The following PSMD1 variants were observed in gnomAD, a reference collection of about 807,000 sequenced individuals.
PSMD1 encodes the protein proteasome 26S subunit, non-ATPase 1, also known as 26S proteasome non-ATPase regulatory subunit 1.
Under a neutral mutation model 119.0 loss-of-function variants are expected in PSMD1, and 18 were observed. The ratio of observed to expected loss-of-function variants is 0.15; its 90% CI spans 0.10 to 0.22. PSMD1 has a LOEUF of 0.22. Among genes scored for constraint, PSMD1 ranks in the 10% least tolerant of loss-of-function variants. The pLI, the probability that PSMD1 is intolerant of heterozygous loss-of-function variation, is 1.00. For missense variants in PSMD1, 702 were observed against 1,158.5 expected (o/e 0.61, Z 5.72); for synonymous variants, 374 against 396.6 (o/e 0.94, Z 0.68).
At chr2:231,137,580 A>C (rs1471919956) in intron 16 of PSMD1, among the ~76,000 whole-genome samples, 1 of 151,942 alleles carries the variant, frequency 6.6e-6, no homozygotes, top group Non-Finnish European at 1.5e-5. Flanking sequence ...CTGGGGGTAC[A>C]TGTGCAGGTT....
chr2:231,126,160 T>C (rs1409873561), intron 16 of PSMD1, among the ~76,000 whole-genome samples: 1 of 152,196 alleles, frequency 6.6e-6, no homozygotes, highest in Non-Finnish European at 1.5e-5. Context: ...TCCAGCACTT[T>C]GGTAGACCAA....
intron 16 of PSMD1, chr2:231,108,635 T>C: frequency 6.2e-7 from 1 of 1,614,114 alleles, no homozygotes; most frequent in Non-Finnish European, 8.5e-7. Flanking sequence ...CATTGGACTC[T>C]GGTACATGGC....
At position 231,111,139 on chromosome 2, in the gene PSMD1, A is replaced by G. The variant is rs138192679; in HGVS notation, c.1883+23958A>G. ...TTCCAGTGCCAGCATTTTCTACTTC[A>G]TCCCATTCGTGACCCTTCTAAGACC... On this transcript the variant is annotated intron_variant, in intron 16 of 24. Coordinates refer to ENST00000308696, the MANE Select transcript of PSMD1 (RefSeq NM_002807.4). Among the ~76,000 whole-genome samples, 146 of 152,220 alleles carry G rather than the reference A, an allele frequency of 9.6e-4. 1 individual carries two copies. In the Middle Eastern group the frequency reaches 0.051, roughly 53 times the overall value.
chr2:231,123,396 C>A (rs755929910), intron 16 of PSMD1: 12 of 1,579,928 alleles, frequency 7.6e-6, no homozygotes, highest in Non-Finnish European at 1.0e-5. Context: ...ATGGCACAAA[C>A]AAAGTGAAAT....
chr2:231,139,165 T>C, intron 17 of PSMD1: 1 of 373,306 alleles, frequency 2.7e-6, no homozygotes, highest in Non-Finnish European at 5.2e-6. Flanking sequence ...GGAATTTCAC[T>C]CTTTCATCCA....
At chr2:231,142,208 C>T (rs7585887) in intron 17 of PSMD1, among the ~76,000 whole-genome samples, 74,436 of 151,980 alleles carry the variant, frequency 0.49, 21,708 homozygotes, top group African/African-American at 0.81. Context: ...AATTAATTTA[C>T]TTATGTTTTA....
intron 16 of PSMD1, among the ~76,000 whole-genome samples, chr2:231,122,805 G>A (rs1213315901): frequency 6.6e-6 from 1 of 151,970 alleles, no homozygotes; most frequent in South Asian, 2.1e-4. Flanking sequence ...AAATTGAATC[G>A]ATAGATCATC....
chr2:231,130,897 C>T (rs1299557453), intron 16 of PSMD1, among the ~76,000 whole-genome samples: 1 of 152,078 alleles, frequency 6.6e-6, no homozygotes, highest in Non-Finnish European at 1.5e-5. Flanking sequence ...GTGATGTTAT[C>T]TAGAAGGCAA....
rs142056982 is a variant in PSMD1, at chr2:231,155,741, G to A, written c.2218+2075G>A. ...GGAGTTTTTTGTTTGGTTGGTTTTT[G>A]TTTTCCAAGAAGTTGAGAGTTTTCT... On this transcript the variant is annotated intron_variant, in intron 19 of 24. Transcript: ENST00000308696. 7.9e-3 allele frequency among the ~76,000 whole-genome samples: 1,195 copies of A among 151,574 alleles called. 23 individuals carry two copies. The highest frequency in any genetic ancestry group is 0.028 in the African/African-American group (1,147 of 41,402).
chr2:231,083,710 T>C lies in PSMD1; in HGVS notation c.1669T>C (p.Tyr557His). Residue 557 changes from tyrosine to histidine, a missense_variant, in exon 14 of 25, where the codon TAT becomes CAT. Tyr to His is a moderately conservative substitution (Grantham distance 83, BLOSUM62 2). Around this residue, in one of 9 missense-constraint regions of PSMD1, gnomAD observed 272 missense variants for 511.6 expected, o/e 0.53. Transcript: ENST00000308696. ...GLAVGIALVM[Y>H]GRMEEADALI... Reference sequence around the variant, plus strand: ...TGCAGTTGGCATAGCTTTAGTAATGTATGGGAGGATGGAAGAGGCTGATGC... The same window carrying C: ...TGCAGTTGGCATAGCTTTAGTAATGCATGGGAGGATGGAAGAGGCTGATGC... The C allele has an allele frequency of 6.2e-7, 1 of 1,614,152 alleles. No homozygotes were observed. The highest frequency in any genetic ancestry group is 8.5e-7 in the Non-Finnish European group (1 of 1,180,020).
At chr2:231,059,753 A>G (rs1478922849) in intron 1 of PSMD1, among the ~76,000 whole-genome samples, 1 of 152,226 alleles carries the variant, frequency 6.6e-6, no homozygotes, top group Admixed American at 6.5e-5. Context: ...TTTTAGACCA[A>G]TATCTGCTCA....
At chr2:231,076,994 T>A (rs1330250245) in intron 8 of PSMD1, 40 bp from the exon 9 acceptor site, 1 of 1,567,528 alleles carries the variant, frequency 6.4e-7, no homozygotes, top group Admixed American at 2.0e-5. Context: ...ATAGTAATAC[T>A]GTTTATGAGT....
At chr2:231,150,482 C>T (rs1028645227) in intron 18 of PSMD1, among the ~76,000 whole-genome samples, 2 of 151,738 alleles carry the variant, frequency 1.3e-5, no homozygotes, top group African/African-American at 4.8e-5. Flanking sequence ...CTTTATCTAC[C>T]ATTACAGAAT....
intron 19 of PSMD1, among the ~76,000 whole-genome samples, chr2:231,158,166 C>A (rs2125264135): frequency 6.6e-6 from 1 of 152,060 alleles, no homozygotes; most frequent in East Asian, 2.0e-4. Flanking sequence ...CAAAACTTAG[C>A]TGGGCGTGGT....
At chr2:231,114,648 CTTAA>C (rs554290166) in intron 16 of PSMD1, among the ~76,000 whole-genome samples, 132 of 152,208 alleles carry the variant, frequency 8.7e-4, no homozygotes, top group African/African-American at 3.0e-3. Flanking sequence ...AGACGTAGTA[CTTAA>C]TTTATTTAAC....
At chr2:231,130,409 G>C (rs1267888689) in intron 16 of PSMD1, among the ~76,000 whole-genome samples, 3 of 152,100 alleles carry the variant, frequency 2.0e-5, no homozygotes, top group East Asian at 3.8e-4. Context: ...CTAAAATAAA[G>C]TCCAGTGTTT....
At chr2:231,160,233 A>G (rs1156372364) in intron 19 of PSMD1, among the ~76,000 whole-genome samples, 2 of 152,224 alleles carry the variant, frequency 1.3e-5, no homozygotes, top group Admixed American at 1.3e-4. Context: ...CTCTCGTTCA[A>G]GTGTTCAAAT....
At chr2:231,135,794 T>A (rs1022670811) in intron 16 of PSMD1, among the ~76,000 whole-genome samples, 14 of 152,296 alleles carry the variant, frequency 9.2e-5, no homozygotes, top group Admixed American at 3.9e-4. Context: ...CCCATACTGT[T>A]TCTAATAATA....
At chr2:231,115,630 T>A (rs1326372695) in intron 16 of PSMD1, among the ~76,000 whole-genome samples, 1 of 152,042 alleles carries the variant, frequency 6.6e-6, no homozygotes, top group Non-Finnish European at 1.5e-5. Context: ...AATTTTAGAT[T>A]TATTGAGCTG....
Sources: gnomAD v4.1 joint callset for allele counts (sites outside exome capture counted in the v4.1 genomes callset) on GRCh38, gnomAD v4.1.1 for gene constraint, gnomAD v4.1.1 regional missense constraint, MANE v1.5 for transcripts, NCBI Gene and HGNC (gene_info 2026-07-23, HGNC 2026-07-21) for gene names.